Variants in GRIP1 observed in about 807,000 individuals in gnomAD.
GRIP1 encodes glutamate receptor-interacting protein 1.
A neutral mutation model predicts 129.9 loss-of-function variants in GRIP1; 45 were observed. That is an observed-to-expected ratio of 0.35 (90% CI 0.27 to 0.44). The LOEUF is 0.44. GRIP1 is among the 20% of genes least tolerant of loss of function. GRIP1 has a pLI of 1.00. For synonymous variants in GRIP1, 530 were observed against 520.8 expected (o/e 1.02, Z -0.24); for missense variants, 1,196 against 1,396.8 (o/e 0.86, Z 2.29).
chr12:66,948,344 C>T (rs570652274), intron 1 of GRIP1, among the ~76,000 whole-genome samples: 18 of 152,306 alleles, frequency 1.2e-4, no homozygotes, highest in African/African-American at 4.1e-4. Flanking sequence ...TTCTTCTCCA[C>T]TTCACTTAGC....
At chr12:66,405,025 G>A (rs2057141548) in intron 16 of GRIP1, among the ~76,000 whole-genome samples, 2 of 152,108 alleles carry the variant, frequency 1.3e-5, no homozygotes, top group African/African-American at 4.8e-5. Context: ...GCCTGGGTGT[G>A]CCACACAAAA....
intron 19 of GRIP1, among the ~76,000 whole-genome samples, chr12:66,386,052 T>C (rs1014933429): frequency 6.6e-6 from 1 of 152,264 alleles, no homozygotes; most frequent in Admixed American, 6.5e-5. Context: ...ATGTTTAGTT[T>C]TATTTATTTG....
chr12:66,490,565 A>C (rs1371848551), intron 7 of GRIP1, among the ~76,000 whole-genome samples: 1 of 152,188 alleles, frequency 6.6e-6, no homozygotes, highest in Non-Finnish European at 1.5e-5. Flanking sequence ...GGACATAGGC[A>C]TGGGCAAAGA....
At chr12:66,793,061 C>T (rs1409915799) in intron 1 of GRIP1, among the ~76,000 whole-genome samples, 3 of 151,982 alleles carry the variant, frequency 2.0e-5, no homozygotes, top group South Asian at 2.1e-4. Context: ...AAAACTAGTT[C>T]CTATATAGTT....
At chr12:66,807,952 A>T (rs2039027915), upstream of GRIP1, among the ~76,000 whole-genome samples, 2 of 94,330 alleles carry the variant, frequency 2.1e-5, no homozygotes, top group Admixed American at 2.0e-4. Context: ...ATAAAGGGCC[A>T]ACCTAAAGCC....
chr12:66,446,322 T>C (rs1052341297), intron 11 of GRIP1, among the ~76,000 whole-genome samples: 5 of 152,150 alleles, frequency 3.3e-5, no homozygotes, highest in South Asian at 2.1e-4. Flanking sequence ...GCCCTGCCCA[T>C]TGGAGTGTGG....
At chr12:66,865,889 G>C (rs1252263) in intron 1 of GRIP1, among the ~76,000 whole-genome samples, 3 of 151,774 alleles carry the variant, frequency 2.0e-5, no homozygotes, top group Non-Finnish European at 2.9e-5. Flanking sequence ...TTTTCCTAAA[G>C]TTAACCTTTT....
chr12:66,526,847 C>A (rs1192896771), intron 5 of GRIP1, among the ~76,000 whole-genome samples: 1 of 150,510 alleles, frequency 6.6e-6, no homozygotes, highest in Non-Finnish European at 1.5e-5. Flanking sequence ...AAAACAACCC[C>A]ATCAAAAAGT....
intron 16 of GRIP1, among the ~76,000 whole-genome samples, chr12:66,401,409 C>G (rs978148090): frequency 1.3e-5 from 2 of 151,754 alleles, no homozygotes; most frequent in African/African-American, 4.8e-5. Context: ...AAAACTCCAT[C>G]TCTACTAAAA....
chr12:66,910,887 C>T (rs2041018436), intron 1 of GRIP1, among the ~76,000 whole-genome samples: 1 of 152,124 alleles, frequency 6.6e-6, no homozygotes, highest in Non-Finnish European at 1.5e-5. Context: ...CTTTTACATA[C>T]TGGATCTCCA....
At chr12:66,896,537 G>C (rs997981163) in intron 1 of GRIP1, among the ~76,000 whole-genome samples, 2 of 150,890 alleles carry the variant, frequency 1.3e-5, no homozygotes, top group Non-Finnish European at 3.0e-5. Flanking sequence ...TAGAAAAGAG[G>C]GTTTTTGTCA....
At position 66,347,472 on chromosome 12, in the gene GRIP1, T is replaced by G. The variant is rs554178857; in HGVS notation, c.*1547A>C. On this transcript the variant is annotated 3_prime_UTR_variant, in exon 25 of 25. Coordinates refer to ENST00000359742, the MANE Select transcript of GRIP1 (RefSeq NM_001366722.1). The stretch of plus-strand genomic sequence containing the variant: ...TATTTGGCTTTTTAAAATCACTGTT[T>G]ATTCCATTTGGTAGAGGGTTTTATT... 1 of 152,332 alleles carries G rather than the reference T, an allele frequency of 6.6e-6. No individual in the cohort carries two copies. The highest frequency in any genetic ancestry group is 2.1e-4 in the South Asian group (1 of 4,834). The allele number at this position is 152,332 out of a possible 1,614,324, so 9.4% of individuals were successfully genotyped here.
intron 1 of GRIP1, among the ~76,000 whole-genome samples, chr12:66,963,845 A>G (rs2137543700): frequency 6.6e-6 from 1 of 152,278 alleles, no homozygotes; most frequent in African/African-American, 2.4e-5. Context: ...GAAGCTAAAC[A>G]TGACCAACAC....
intron 1 of GRIP1, among the ~76,000 whole-genome samples, chr12:66,798,245 G>A (rs1344835072): frequency 1.3e-5 from 2 of 152,068 alleles, no homozygotes; most frequent in Admixed American, 1.3e-4. Flanking sequence ...GCTCTTCTGT[G>A]TTTGTATAGT....
intron 2 of GRIP1, among the ~76,000 whole-genome samples, chr12:66,593,990 C>T (rs1341785539): frequency 6.7e-6 from 1 of 148,900 alleles, no homozygotes; most frequent in Non-Finnish European, 1.5e-5. Flanking sequence ...ATGGTGTGAA[C>T]CCGGGAGGTG....
At chr12:66,956,771 T>C (rs2041848061) in intron 1 of GRIP1, among the ~76,000 whole-genome samples, 1 of 152,210 alleles carries the variant, frequency 6.6e-6, no homozygotes, top group South Asian at 2.1e-4. Context: ...CTAGGCATGT[T>C]TGTCACTACT....
chr12:66,557,172 A>AG (rs2062364863), intron 2 of GRIP1, among the ~76,000 whole-genome samples: 1 of 151,518 alleles, frequency 6.6e-6, no homozygotes, highest in African/African-American at 2.4e-5. Flanking sequence ...GGGCAGAAGT[A>AG]GCTATATTTC....
intron 7 of GRIP1, among the ~76,000 whole-genome samples, chr12:66,474,439 C>A (rs1565778421): frequency 6.6e-6 from 1 of 152,254 alleles, no homozygotes; most frequent in Non-Finnish European, 1.5e-5. Context: ...CCCAACCTAG[C>A]AAGGCAGGCC....
Position 66,394,243 on chromosome 12 carries a change from G to T in GRIP1, c.2094C>A (p.Ile698=). 1 of 1,613,996 alleles carries T rather than the reference G, an allele frequency of 6.2e-7. No homozygotes were observed. The change falls in exon 17 of 25, where the codon ATC becomes ATA. Residue 698 remains isoleucine (I), a synonymous_variant. Coordinates refer to ENST00000359742, the MANE Select transcript of GRIP1 (RefSeq NM_001366722.1). Reference sequence around the variant, plus strand: ...ATCCCCCTTTAGTGAGGCTTGAAATGATTATAGGATCAAACGGCTCTTCAG... The same window carrying T: ...ATCCCCCTTTAGTGAGGCTTGAAATTATTATAGGATCAAACGGCTCTTCAG... The part of the protein sequence containing the change: ...SGTEEPFDPI[I]ISSLTKGGLA...
Sources: allele counts gnomAD v4.1 joint callset (sites outside exome capture counted in the v4.1 genomes callset), GRCh38; gene constraint gnomAD v4.1.1; transcripts MANE v1.5; gene names NCBI Gene and HGNC (gene_info 2026-07-23, HGNC 2026-07-21).